Variants in ASCC3 observed in about 807,000 individuals in gnomAD.
The protein encoded by ASCC3 is ASC-1 complex subunit P200.
In ASCC3, 158 loss-of-function variants were observed where a neutral mutation model predicts 256.3. The observed-to-expected ratio is 0.62, with a 90% CI of 0.54 to 0.70. The LOEUF (loss-of-function observed/expected upper bound fraction) is 0.70. Among genes scored for constraint, ASCC3 ranks in the 30% least tolerant of loss-of-function variants. ASCC3 has a pLI of 0.00. For synonymous variants in ASCC3, 948 were observed against 883.4 expected (o/e 1.07, Z -1.30); for missense variants, 2,259 against 2,626.0 (o/e 0.86, Z 3.05).
intron 8 of ASCC3, among the ~76,000 whole-genome samples, chr6:100,785,250 C>T (rs188352902): frequency 1.8e-4 from 28 of 152,226 alleles, no homozygotes; most frequent in Admixed American, 1.6e-3. Flanking sequence ...AATCAAGTTA[C>T]TTATTTTCTA....
chr6:100,734,142 C>A (rs1780033039), intron 10 of ASCC3, among the ~76,000 whole-genome samples: 1 of 152,022 alleles, frequency 6.6e-6, no homozygotes, highest in Non-Finnish European at 1.5e-5. Context: ...TTGTAACCAC[C>A]ATTAAGTAAA....
chr6:100,608,043 T>TAC (rs1270477681), intron 30 of ASCC3, among the ~76,000 whole-genome samples: 1 of 85,932 alleles, frequency 1.2e-5, no homozygotes, highest in East Asian at 2.6e-4. Context: ...TATATATACA[T>TAC]ACATATACAT....
At chr6:100,530,691 G>A (rs952640529) in intron 37 of ASCC3, 8 of 920,632 alleles carry the variant, frequency 8.7e-6, no homozygotes, top group Non-Finnish European at 1.5e-5. Context: ...AAAACTAAAG[G>A]CCCAGATACC....
At chr6:100,516,130 C>T (rs1554186351) in intron 39 of ASCC3, 50 bp downstream of exon 39, 4 of 1,611,694 alleles carry the variant, frequency 2.5e-6, no homozygotes, top group South Asian at 2.2e-5. Flanking sequence ...ACTCTTGGTA[C>T]ACCTTCTCAG....
chr6:100,623,780 G>A (rs1774086215), intron 30 of ASCC3, among the ~76,000 whole-genome samples: 1 of 151,956 alleles, frequency 6.6e-6, no homozygotes, highest in Non-Finnish European at 1.5e-5. Flanking sequence ...AGAGGAGGAG[G>A]AATATCTATA....
chr6:100,825,036 C>T (rs931625483), intron 4 of ASCC3, among the ~76,000 whole-genome samples: 1 of 151,986 alleles, frequency 6.6e-6, no homozygotes, highest in East Asian at 1.9e-4. Context: ...AATGATTGAA[C>T]CATATTTATT....
At chr6:100,570,602 T>C (rs1213862540) in intron 36 of ASCC3, among the ~76,000 whole-genome samples, 1 of 152,086 alleles carries the variant, frequency 6.6e-6, no homozygotes, top group Non-Finnish European at 1.5e-5. Flanking sequence ...CCCCAATGTC[T>C]ACATGCTAGC....
chr6:100,646,619 T>C lies in ASCC3; in HGVS notation c.3629A>G (p.Asp1210Gly). ...LSIYADFTWNDQVHGTVGEPW... is the reference protein window; with the variant it reads ...LSIYADFTWNGQVHGTVGEPW... ...ATAGCCGTTTTCCACTTCTACCTGA[T>C]CATTCCAAGTGAAATCAGCATAGAT... is the stretch of plus-strand genomic sequence containing the variant. The change falls in exon 22 of 42, where the codon GAT becomes GGT. Residue 1210 changes from aspartate (D) to glycine (G), a missense_variant. Physicochemically the swap from Asp to Gly is moderately conservative, Grantham distance 94 (BLOSUM62 -1). Coordinates refer to ENST00000369162, the MANE Select transcript of ASCC3 (RefSeq NM_006828.4). The C allele has an allele frequency of 6.2e-7, 1 of 1,614,114 alleles. No individual in the cohort carries two copies. The highest frequency in any genetic ancestry group is 8.5e-7 in the Non-Finnish European group (1 of 1,179,978).
chr6:100,783,436 C>T (rs368600649), intron 8 of ASCC3, among the ~76,000 whole-genome samples: 11 of 152,162 alleles, frequency 7.2e-5, no homozygotes, highest in African/African-American at 2.2e-4. Flanking sequence ...GCCTAAATCA[C>T]ATCTTGCTGT....
intron 30 of ASCC3, among the ~76,000 whole-genome samples, chr6:100,617,248 T>A (rs1773713970): frequency 6.6e-6 from 1 of 152,100 alleles, no homozygotes; most frequent in Non-Finnish European, 1.5e-5. Context: ...CCTCAAATGA[T>A]CTGCCTGCCT....
Position 100,660,442 on chromosome 6 carries a change from C to T in ASCC3, c.2703+1364G>A, listed in dbSNP as rs569726879. Among the ~76,000 whole-genome samples the T allele has an allele frequency of 5.3e-5, 8 of 151,654 alleles. No homozygotes were observed. The East Asian group carries it at 5.8e-4, about 11-fold the overall frequency. ...TACATTAGACACTGTTAACCCAACACGTAGTTATTTAAGCCACACAATTAC... is the reference window on the plus strand; with the variant it reads ...TACATTAGACACTGTTAACCCAACATGTAGTTATTTAAGCCACACAATTAC... On this transcript the variant is annotated intron_variant, in intron 16 of 41. Transcript: ENST00000369162.
At chr6:100,849,961 G>A (rs1042570441) in intron 3 of ASCC3, among the ~76,000 whole-genome samples, 9 of 151,872 alleles carry the variant, frequency 5.9e-5, no homozygotes, top group African/African-American at 2.2e-4. Context: ...TTAGCTGGGT[G>A]TGGTGCCACA....
Position 100,521,258 on chromosome 6 carries a change from G to A in ASCC3, c.5776-3116C>T, listed in dbSNP as rs185947854. 3.0e-4 allele frequency among the ~76,000 whole-genome samples: 46 copies of A among 152,152 alleles called. 1 individual carries two copies. The East Asian group carries it at 8.5e-3, about 28-fold the overall frequency. ...TCTGACGTATAAGAGTAGTGATGCT[G>A]GTAATTTGAATACGCCAAAGGGAAG... On this transcript the variant is annotated intron_variant, in intron 37 of 41. Transcript: ENST00000369162.
Position 100,798,799 on chromosome 6 carries a change from G to A in ASCC3, c.1309C>T (p.Leu437Phe), listed in dbSNP as rs1046728919. The A allele has an allele frequency of 9.9e-6, 16 of 1,612,762 alleles. No homozygotes were observed. Among genetic ancestry groups the A allele is most frequent in the Non-Finnish European group, 1.2e-5 (14 of 1,179,438 alleles). ...TAGGGAATCCTTACTTCTTCATAAA[G>A]CTTGTTATTCTCTCTTTGGATTCCT... is the stretch of plus-strand genomic sequence containing the variant. ...PEGIQRENNKLYEEVRIPYSE... is the reference protein window; with the variant it reads ...PEGIQRENNKFYEEVRIPYSE... Residue 437 changes from leucine (L) to phenylalanine (F), a missense_variant, in exon 8 of 42, where the codon CTT becomes TTT. Leu to Phe is a conservative substitution (Grantham distance 22). Around this residue, in one of 2 missense-constraint regions of ASCC3, gnomAD observed 1,839 missense variants for 2,206.7 expected, o/e 0.83. Coordinates refer to ENST00000369162, the MANE Select transcript of ASCC3 (RefSeq NM_006828.4).
intron 16 of ASCC3, among the ~76,000 whole-genome samples, chr6:100,658,246 G>T (rs1471615420): frequency 6.6e-6 from 1 of 151,496 alleles, no homozygotes; most frequent in Non-Finnish European, 1.5e-5. Context: ...TAGTGTGATA[G>T]TTTTATGCTC....
intron 3 of ASCC3, among the ~76,000 whole-genome samples, chr6:100,862,874 T>G (rs1041777455): frequency 3.1e-4 from 47 of 152,184 alleles, no homozygotes; most frequent in African/African-American, 1.1e-3. Context: ...TAGCTGAGTT[T>G]AAAATGACAA....
At chr6:100,618,264 T>C (rs1464150162) in intron 30 of ASCC3, among the ~76,000 whole-genome samples, 2 of 152,150 alleles carry the variant, frequency 1.3e-5, no homozygotes, top group Non-Finnish European at 2.9e-5. Context: ...ATGATGCAAG[T>C]TGATGATTCA....
chr6:100,606,098 G>A (rs894658707), intron 32 of ASCC3, among the ~76,000 whole-genome samples: 33 of 151,714 alleles, frequency 2.2e-4, no homozygotes, highest in African/African-American at 6.8e-4. Context: ...TATTTTCCCC[G>A]TGAATAATGA....
intron 4 of ASCC3, among the ~76,000 whole-genome samples, chr6:100,815,065 G>GA (rs1404638384): frequency 2.6e-5 from 4 of 151,738 alleles, no homozygotes; most frequent in Admixed American, 6.6e-5. Context: ...TTTTGATCAG[G>GA]AAAGTCTCAG....
Sources: allele counts gnomAD v4.1 joint callset (sites outside exome capture counted in the v4.1 genomes callset), GRCh38; gene constraint gnomAD v4.1.1; regional missense constraint gnomAD v4.1.1; transcripts MANE v1.5; gene names NCBI Gene and HGNC (gene_info 2026-07-23, HGNC 2026-07-21).